Variants in MAGI2 observed in about 807,000 individuals in gnomAD.
MAGI2 encodes the protein membrane-associated guanylate kinase, WW and PDZ domain-containing protein 2.
Under a neutral mutation model 133.3 loss-of-function variants are expected in MAGI2, and 35 were observed. That is an observed-to-expected ratio of 0.26 (90% confidence interval 0.20 to 0.35). MAGI2 has a LOEUF of 0.35. Among genes scored for constraint, MAGI2 ranks in the 10% least tolerant of loss-of-function variants. The probability of loss-of-function intolerance (pLI) is 1.00; values close to 1 mark genes in which losing one functional copy is unlikely to be tolerated. For synonymous variants in MAGI2, 729 were observed against 710.6 expected (o/e 1.03, Z -0.41); for missense variants, 1,636 against 1,863.4 (o/e 0.88, Z 2.25).
In MAGI2 at chr7:78,018,731, G is replaced by A. The variant is rs1018023897; in HGVS notation, c.*584C>T. The stretch of plus-strand genomic sequence containing the variant: ...AGGGAACGCTGCTGCTAACACCGAG[G>A]ATGGATGCCAAGGGTGAGCCATGGA... On this transcript the variant is annotated 3_prime_UTR_variant, in exon 22 of 22. Coordinates refer to ENST00000354212, the MANE Select transcript of MAGI2 (RefSeq NM_012301.4). 3 of 156,646 alleles carry A rather than the reference G, an allele frequency of 1.9e-5. No homozygotes were observed. Among genetic ancestry groups the A allele is most frequent in the Non-Finnish European group, 2.8e-5 (2 of 70,800 alleles). 9.7% of individuals were successfully genotyped at this position (156,646 alleles called of 1,614,324 possible).
chr7:78,773,545 AAC>A (rs1217847050), intron 2 of MAGI2, among the ~76,000 whole-genome samples: 1 of 152,224 alleles, frequency 6.6e-6, no homozygotes, highest in Non-Finnish European at 1.5e-5. Flanking sequence ...AGAAAAAGAA[AAC>A]AGAGTGTTTT....
chr7:78,805,389 T>A (rs947358684), intron 2 of MAGI2, among the ~76,000 whole-genome samples: 8 of 152,120 alleles, frequency 5.3e-5, no homozygotes, highest in Non-Finnish European at 1.0e-4. Context: ...TCCTGATTTT[T>A]AAATATACCT....
At chr7:79,381,575 G>A (rs1278741699) in intron 1 of MAGI2, among the ~76,000 whole-genome samples, 1 of 151,562 alleles carries the variant, frequency 6.6e-6, no homozygotes, top group Admixed American at 6.6e-5. Flanking sequence ...CTAAATAATG[G>A]CCCATAAAAA....
intron 3 of MAGI2, among the ~76,000 whole-genome samples, chr7:78,610,303 C>A (rs888849668): frequency 1.3e-5 from 2 of 152,168 alleles, no homozygotes. Flanking sequence ...GGAGGACAGG[C>A]TGACTTGGTT....
At chr7:79,284,967 A>G (rs1282088466) in intron 1 of MAGI2, among the ~76,000 whole-genome samples, 1 of 151,956 alleles carries the variant, frequency 6.6e-6, no homozygotes, top group Non-Finnish European at 1.5e-5. Context: ...TATCACATAT[A>G]TTTAAAAATT....
At chr7:78,061,639 A>G (rs1813284430) in intron 21 of MAGI2, among the ~76,000 whole-genome samples, 1 of 152,150 alleles carries the variant, frequency 6.6e-6, no homozygotes, top group East Asian at 1.9e-4. Flanking sequence ...CTTGGGATGA[A>G]GCTGTGAAAT....
chr7:78,582,790 AC>A lies in MAGI2; in HGVS notation c.538+44329del, dbSNP rs542356874. Among the ~76,000 whole-genome samples, 162 of 152,338 alleles carry A rather than the reference AC, an allele frequency of 1.1e-3. 1 individual carries two copies. Among genetic ancestry groups the A allele is most frequent in the African/African-American group, 3.6e-3 (151 of 41,574 alleles). ...CTCCTCTAGAAAAATGGGACCAGTT[AC>A]ATTGTTTGGTTTTGGAAGGGGAATA... On this transcript the variant is annotated intron_variant, in intron 3 of 21. Coordinates refer to ENST00000354212, the MANE Select transcript of MAGI2 (RefSeq NM_012301.4).
chr7:78,127,311 T>G lies in MAGI2; in HGVS notation c.3309A>C (p.Gly1103=). 6.2e-7 allele frequency: 1 copy of G among 1,611,572 alleles called. No homozygotes were observed. The highest frequency in any genetic ancestry group is 1.7e-5 in the Admixed American group (1 of 59,938). ...QPPLDYRQPP[G]GDYQQPPPLD... ...AGGGTGGGGGCTGCTGGTAGTCCCC[T>G]CCTGGGGGTTGCCTGTAATCCAGCG... The change falls in exon 19 of 22, where the codon GGA becomes GGC. Residue 1103 remains glycine, a synonymous_variant. Transcript: ENST00000354212.
At chr7:78,366,139 T>G (rs1793356561) in intron 7 of MAGI2, among the ~76,000 whole-genome samples, 4 of 152,214 alleles carry the variant, frequency 2.6e-5, no homozygotes, top group Admixed American at 2.6e-4. Flanking sequence ...GAGAATCCAC[T>G]GCTCATTATC....
chr7:78,337,915 T>A (rs1347353076), intron 9 of MAGI2, among the ~76,000 whole-genome samples: 1 of 151,764 alleles, frequency 6.6e-6, no homozygotes, highest in Non-Finnish European at 1.5e-5. Context: ...CATCCATCCA[T>A]CCATCCATCC....
At chr7:78,277,588 T>C (rs941132496) in intron 9 of MAGI2, among the ~76,000 whole-genome samples, 1 of 152,046 alleles carries the variant, frequency 6.6e-6, no homozygotes, top group African/African-American at 2.4e-5. Flanking sequence ...GAGAAGCCCA[T>C]GAGGGAGATA....
intron 2 of MAGI2, among the ~76,000 whole-genome samples, chr7:78,715,208 G>A (rs1305654576): frequency 2.0e-5 from 3 of 152,020 alleles, no homozygotes; most frequent in African/African-American, 7.2e-5. Context: ...TTTTTCTTCG[G>A]TTCCAGTAAG....
chr7:79,437,297 C>T (rs1224213481), intron 1 of MAGI2, among the ~76,000 whole-genome samples: 2 of 151,934 alleles, frequency 1.3e-5, no homozygotes, highest in African/African-American at 4.8e-5. Flanking sequence ...CAGCAACACA[C>T]AATATATCCT....
chr7:79,139,446 A>G (rs1445756945), intron 1 of MAGI2, among the ~76,000 whole-genome samples: 5 of 152,214 alleles, frequency 3.3e-5, no homozygotes, highest in African/African-American at 9.7e-5. Flanking sequence ...ACTTGGATAC[A>G]GAACATGTGC....
intron 2 of MAGI2, among the ~76,000 whole-genome samples, chr7:78,681,614 T>C (rs1815670507): frequency 6.6e-6 from 1 of 152,118 alleles, no homozygotes; most frequent in African/African-American, 2.4e-5. Flanking sequence ...ATCTGTAATA[T>C]ATGCTGCCAT....
chr7:79,313,945 G>T (rs1040560922), intron 1 of MAGI2, among the ~76,000 whole-genome samples: 8 of 151,558 alleles, frequency 5.3e-5, no homozygotes, highest in Admixed American at 4.6e-4. Flanking sequence ...TGAGACTACA[G>T]GAACACACCA....
At chr7:78,449,567 T>C (rs1176157438) in intron 6 of MAGI2, among the ~76,000 whole-genome samples, 1 of 152,090 alleles carries the variant, frequency 6.6e-6, no homozygotes, top group Non-Finnish European at 1.5e-5. Flanking sequence ...GTTTAATTGC[T>C]GCCTGTGGCT....
chr7:78,658,686 C>T (rs1193010157), intron 2 of MAGI2, among the ~76,000 whole-genome samples: 3 of 152,252 alleles, frequency 2.0e-5, no homozygotes, highest in South Asian at 4.1e-4. Flanking sequence ...AGTGGATATA[C>T]GGATGGCAAA....
chr7:78,913,931 A>G (rs1271771411), intron 2 of MAGI2, among the ~76,000 whole-genome samples: 4 of 152,140 alleles, frequency 2.6e-5, no homozygotes, highest in Non-Finnish European at 5.9e-5. Context: ...TACCCTCCCA[A>G]TAAGAATCTC....
Sources: allele counts gnomAD v4.1 joint callset (sites outside exome capture counted in the v4.1 genomes callset), GRCh38; gene constraint gnomAD v4.1.1; transcripts MANE v1.5; gene names NCBI Gene and HGNC (gene_info 2026-07-23, HGNC 2026-07-21).